FAF1: variants seen among roughly 807,000 people sequenced by gnomAD.
The protein encoded by FAF1 is FAS-associated factor 1.
In FAF1, 25 loss-of-function variants were observed where a neutral mutation model predicts 92.5. The ratio of observed to expected loss-of-function variants is 0.27; its 90% CI spans 0.20 to 0.38. The LOEUF is 0.38. FAF1 is among the 10% of genes least tolerant of loss of function. FAF1 has a pLI of 1.00. For missense variants in FAF1, 636 were observed against 793.3 expected, an observed-to-expected ratio of 0.80 and a Z score of 2.38; for synonymous variants, 234 against 273.2, an observed-to-expected ratio of 0.86 and a Z score of 1.42.
intron 2 of FAF1, among the ~76,000 whole-genome samples, chr1:50,835,523 A>G (rs369842667): frequency 2.1e-5 from 3 of 142,646 alleles, no homozygotes; most frequent in Middle Eastern, 3.7e-3. Flanking sequence ...GTGAGCCGAC[A>G]TTGCGCCACT....
chr1:50,891,613 T>C (rs1644720538), intron 1 of FAF1, among the ~76,000 whole-genome samples: 1 of 152,222 alleles, frequency 6.6e-6, no homozygotes, highest in Non-Finnish European at 1.5e-5. Flanking sequence ...TGGTGTTTGC[T>C]GGAGGTCCAC....
chr1:50,698,737 T>A (rs530037639), intron 7 of FAF1, among the ~76,000 whole-genome samples: 135 of 152,256 alleles, frequency 8.9e-4, no homozygotes, highest in African/African-American at 2.9e-3. Context: ...CTCCTCACCC[T>A]ATAACTTACA....
intron 8 of FAF1, among the ~76,000 whole-genome samples, chr1:50,621,010 G>A (rs1022696216): frequency 3.9e-5 from 6 of 152,198 alleles, no homozygotes; most frequent in Non-Finnish European, 8.8e-5. Flanking sequence ...CACACTTTCC[G>A]GACCAGCCCT....
intron 18 of FAF1, among the ~76,000 whole-genome samples, chr1:50,454,005 A>C (rs1192975011): frequency 1.3e-5 from 2 of 152,220 alleles, no homozygotes; most frequent in Non-Finnish European, 2.9e-5. Flanking sequence ...CTTGTCTGTT[A>C]AACAAGGATG....
chr1:50,655,266 C>T (rs551092823), intron 8 of FAF1, among the ~76,000 whole-genome samples, 176 bp downstream of exon 8: 1 of 152,326 alleles, frequency 6.6e-6, no homozygotes, highest in East Asian at 1.9e-4. Context: ...AGGTGATCCA[C>T]ACGCCTCAGC....
At chr1:50,729,034 C>CTATCTATCTA (rs774816134) in intron 6 of FAF1, among the ~76,000 whole-genome samples, 31 of 88,076 alleles carry the variant, frequency 3.5e-4, no homozygotes, top group African/African-American at 1.1e-3. Context: ...ATCTATCTAT[C>CTATCTATCTA]TATATATATA....
intron 1 of FAF1, among the ~76,000 whole-genome samples, chr1:50,915,242 T>A (rs562379169): frequency 1.2e-4 from 18 of 152,054 alleles, no homozygotes; most frequent in Admixed American, 1.1e-3. Context: ...CGGTGGTACA[T>A]GCCTGTAATC....
chr1:50,729,002 T>TTTATCTATC (rs1169889770), intron 6 of FAF1, among the ~76,000 whole-genome samples: 6 of 114,958 alleles, frequency 5.2e-5, no homozygotes, highest in Non-Finnish European at 3.3e-5. Flanking sequence ...AAAGAAAACT[T>TTTATCTATC]TATCTATCTA....
chr1:50,871,394 CA>C, intron 1 of FAF1, among the ~76,000 whole-genome samples: 1 of 152,312 alleles, frequency 6.6e-6, no homozygotes, highest in East Asian at 1.9e-4. Context: ...ATCATCACAG[CA>C]AAAGAGAAGT....
At chr1:50,950,942 T>C (rs940303823) in intron 1 of FAF1, among the ~76,000 whole-genome samples, 1 of 152,228 alleles carries the variant, frequency 6.6e-6, no homozygotes, top group Non-Finnish European at 1.5e-5. Context: ...GATAAAATAT[T>C]TGTTTCAGCC....
Position 50,672,448 on chromosome 1 carries a change from A to AT in FAF1, c.658-16921dup, listed in dbSNP as rs200010940. Among the ~76,000 whole-genome samples the AT allele has an allele frequency of 7.0e-3, 1,053 of 151,472 alleles. 11 individuals carry two copies. Among genetic ancestry groups the AT allele is most frequent in the African/African-American group, 0.011 (443 of 41,230 alleles). ...AGGGTATCACCCAGCTAATTTTTGT[A>AT]TTTTTTTTGTTTTTTGTAGCAATGG... On this transcript the variant is annotated intron_variant, in intron 7 of 18. Transcript: ENST00000396153.
intron 15 of FAF1, among the ~76,000 whole-genome samples, chr1:50,507,498 T>C (rs1158164405): frequency 6.6e-6 from 1 of 152,082 alleles, no homozygotes; most frequent in Non-Finnish European, 1.5e-5. Flanking sequence ...CAGTGTTTTT[T>C]GGGGGCCAAA....
At chr1:50,621,457 T>G (rs954777526) in intron 8 of FAF1, among the ~76,000 whole-genome samples, 1 of 141,094 alleles carries the variant, frequency 7.1e-6, no homozygotes, top group Admixed American at 7.8e-5. Flanking sequence ...TGGAGTGTAG[T>G]GGCGGGATCT....
At chr1:50,801,742 C>A in intron 2 of FAF1, 65 bp from the exon 3 acceptor site, 1 of 910,708 alleles carries the variant, frequency 1.1e-6, no homozygotes, top group Non-Finnish European at 1.8e-6. Flanking sequence ...TGGTGGAGAA[C>A]ACTTTAAAAG....
chr1:50,611,490 G>C (rs1236429186), intron 8 of FAF1, among the ~76,000 whole-genome samples: 1 of 152,160 alleles, frequency 6.6e-6, no homozygotes, highest in African/African-American at 2.4e-5. Flanking sequence ...ACTGCTGTGA[G>C]GCTAATTGTG....
At chr1:50,590,519 T>C (rs910768661) in intron 9 of FAF1, among the ~76,000 whole-genome samples, 1 of 152,220 alleles carries the variant, frequency 6.6e-6, no homozygotes, top group Non-Finnish European at 1.5e-5. Flanking sequence ...TGAATTCATT[T>C]TTTAGTTCCA....
intron 4 of FAF1, 98 bp from the exon 5 acceptor site, chr1:50,744,873 C>G: frequency 1.7e-6 from 1 of 585,404 alleles, no homozygotes. Context: ...ATACAGTGTA[C>G]AGTCAATGAC....
chr1:50,923,825 T>A (rs1644984005), intron 1 of FAF1, among the ~76,000 whole-genome samples: 1 of 152,074 alleles, frequency 6.6e-6, no homozygotes, highest in Non-Finnish European at 1.5e-5. Flanking sequence ...AGAACCAGAA[T>A]CATATTTTCA....
intron 1 of FAF1, among the ~76,000 whole-genome samples, chr1:50,867,657 C>T (rs1378123752): frequency 6.6e-6 from 1 of 151,970 alleles, no homozygotes; most frequent in Non-Finnish European, 1.5e-5. Context: ...CAAGAATGGC[C>T]TTAATCAAAA....
Sources: gnomAD v4.1 joint callset for allele counts (sites outside exome capture counted in the v4.1 genomes callset) on GRCh38, gnomAD v4.1.1 for gene constraint, MANE v1.5 for transcripts, NCBI Gene and HGNC (gene_info 2026-07-23, HGNC 2026-07-21) for gene names.